BCORL1: variants seen among roughly 807,000 people sequenced by gnomAD.
The protein encoded by BCORL1 is BCL6 corepressor like 1.
A neutral mutation model predicts 87.6 loss-of-function variants in BCORL1; 7 were observed. That is an observed-to-expected ratio of 0.08 (90% CI 0.05 to 0.15). The LOEUF is 0.15. BCORL1 is among the 10% of genes least tolerant of loss of function. The pLI, the probability that BCORL1 is intolerant of heterozygous loss-of-function variation, is 1.00. For missense variants in BCORL1, 1,215 were observed against 1,499.7 expected (o/e 0.81, Z 3.13); for synonymous variants, 591 against 634.4 (o/e 0.93, Z 1.03).
rs202168742 is a variant in BCORL1 at position 130,020,969 on chromosome X, C to T, written c.3442-16C>T. On this transcript the variant is annotated splice_polypyrimidine_tract_variant and intron_variant, in intron 4 of 13. Coordinates refer to ENST00000540052, the MANE Select transcript of BCORL1 (RefSeq NM_001379451.1). ...AGCAAAACTGACCTCAGACCTGACC[C>T]TCTACCTCTCCACAGTGCCGGAAGC... The T allele has an allele frequency of 1.1e-5, 13 of 1,153,346 alleles. No homozygotes were observed. The highest frequency in any genetic ancestry group is 3.3e-5 in the East Asian group (1 of 30,361).
chrX:129,991,334 G>A (rs1320533366), intron 1 of BCORL1, among the ~76,000 whole-genome samples: 3 of 110,596 alleles, frequency 2.7e-5, no homozygotes, highest in African/African-American at 6.6e-5. Context: ...TGGCCTGGCT[G>A]GTCTCGAACT....
Position 130,039,227 on chromosome X carries a change from G to A in BCORL1, c.4785G>A (p.Ser1595=), listed in dbSNP as rs1203282934. 1.9e-5 allele frequency: 23 copies of A among 1,210,939 alleles called. No homozygotes were observed. The highest frequency in any genetic ancestry group is 3.0e-5 in the East Asian group (1 of 33,836). The change falls in exon 11 of 14, where the codon TCG becomes TCA. Residue 1595 remains serine, a synonymous_variant. Coordinates refer to ENST00000540052, the MANE Select transcript of BCORL1 (RefSeq NM_001379451.1). The part of the protein sequence containing the change: ...YGADPTLATY[S]GQTAMKLASS... ...CCGATCCCACACTGGCTACCTACTC[G>A]GGTCAGACAGCCATGAAGCTGGCCA...
intron 1 of BCORL1, among the ~76,000 whole-genome samples, chrX:129,983,262 G>A (rs1926270517): frequency 9.2e-6 from 1 of 108,912 alleles, no homozygotes; most frequent in African/African-American, 3.3e-5. Context: ...TGGAAACGGG[G>A]GTCGGTTGAT....
chrX:130,012,157 T>C (rs1929024114), intron 2 of BCORL1, among the ~76,000 whole-genome samples: 1 of 112,132 alleles, frequency 8.9e-6, no homozygotes, highest in South Asian at 3.6e-4. Flanking sequence ...AATAAGATTG[T>C]ATTTAAAAGA....
chrX:129,999,297 CTTTTTTTTTTTTT>C (rs1213156086), intron 1 of BCORL1, among the ~76,000 whole-genome samples: 1 of 39,107 alleles, frequency 2.6e-5, no homozygotes, highest in East Asian at 7.2e-4. Flanking sequence ...TGAAACACAT[CTTTTTTTTTTTTT>C]TTTTTTTTTT....
chrX:130,048,251 G>A (rs977531494), intron 11 of BCORL1, among the ~76,000 whole-genome samples: 2 of 112,314 alleles, frequency 1.8e-5, no homozygotes, highest in African/African-American at 6.5e-5. Flanking sequence ...GTGGTGCTTC[G>A]CACTGGGGGA....
intron 1 of BCORL1, among the ~76,000 whole-genome samples, chrX:129,989,221 C>T (rs1378575540): frequency 9.2e-6 from 1 of 109,040 alleles, no homozygotes; most frequent in African/African-American, 3.3e-5. Context: ...CTGCAAGCTC[C>T]GCTGCCCGGG....
chrX:130,011,223 A>G (rs1469149582), intron 2 of BCORL1, among the ~76,000 whole-genome samples: 1 of 107,428 alleles, frequency 9.3e-6, no homozygotes, highest in African/African-American at 3.4e-5. Context: ...GCAGGGGGCA[A>G]TAGTTTTTTT....
chrX:130,000,089 AG>A (rs770893561), intron 1 of BCORL1, among the ~76,000 whole-genome samples: 1 of 111,339 alleles, frequency 9.0e-6, no homozygotes, highest in Non-Finnish European at 1.9e-5. Context: ...GCTGTCGCCC[AG>A]GCTGGAATGC....
intron 11 of BCORL1, 77 bp from the exon 12 acceptor site, chrX:130,050,640 C>T (rs1456855163): frequency 1.6e-5 from 14 of 864,871 alleles, no homozygotes; most frequent in Non-Finnish European, 2.2e-5. Context: ...CCCTTAGCCC[C>T]GTATGCATGG....
rs1927354278 is a variant in BCORL1 at position 129,993,774 on chromosome X, T to C, written c.-45+11012T>C. On this transcript the variant is annotated intron_variant, in intron 1 of 13. Transcript: ENST00000540052. Reference sequence around the variant, plus strand: ...GAATAGATTACGTATGGTCCTTTTTTTTATTTTTTAATTTTTATTTTATTT... The same window carrying C: ...GAATAGATTACGTATGGTCCTTTTTCTTATTTTTTAATTTTTATTTTATTT... 3.6e-5 allele frequency among the ~76,000 whole-genome samples: 4 copies of C among 112,263 alleles called. No homozygotes were observed. In the Admixed American group the frequency reaches 3.8e-4, roughly 11 times the overall value.
intron 7 of BCORL1, among the ~76,000 whole-genome samples, chrX:130,028,327 CTCTGGGA>C (rs1315563247): frequency 7.2e-5 from 8 of 111,196 alleles, no homozygotes; most frequent in African/African-American, 2.6e-4. Context: ...TTGCTCTGGG[CTCTGGGA>C]AAAATCCTGT....
chrX:130,014,506 G>A lies in BCORL1; in HGVS notation c.1734G>A (p.Pro578=), dbSNP rs756675904. ...LPAPSGSSAP[P]HPAKMPSGTE... ...CCCCCAGTGGGAGCTCAGCCCCACCGCACCCCGCCAAGATGCCCAGTGGCA... is the reference window on the plus strand; with the variant it reads ...CCCCCAGTGGGAGCTCAGCCCCACCACACCCCGCCAAGATGCCCAGTGGCA... Residue 578 remains proline, a synonymous_variant, in exon 4 of 14, where the codon CCG becomes CCA. Transcript: ENST00000540052. The A allele has an allele frequency of 1.1e-5, 13 of 1,209,214 alleles. No homozygotes were observed. The highest frequency in any genetic ancestry group is 5.3e-5 in the African/African-American group (3 of 56,917).
At chrX:130,053,297 C>T (rs765995416) in intron 13 of BCORL1, among the ~76,000 whole-genome samples, 1 of 109,376 alleles carries the variant, frequency 9.1e-6, no homozygotes, top group Non-Finnish European at 1.9e-5. Context: ...GCCCTCCCCC[C>T]CACCACCCCA....
chrX:129,995,336 A>G (rs1184437456), intron 1 of BCORL1, among the ~76,000 whole-genome samples: 1 of 111,251 alleles, frequency 9.0e-6, no homozygotes, highest in African/African-American at 3.3e-5. Flanking sequence ...TTCAGGGAAT[A>G]TTTGGTTAAT....
At chrX:130,053,359 G>T (rs1268856210) in intron 13 of BCORL1, among the ~76,000 whole-genome samples, 2 of 109,653 alleles carry the variant, frequency 1.8e-5, no homozygotes, top group African/African-American at 3.3e-5. Context: ...CACTAGTAGG[G>T]ATCAAGTTTC....
chrX:129,998,782 G>C (rs1927762827), intron 1 of BCORL1, among the ~76,000 whole-genome samples: 1 of 111,373 alleles, frequency 9.0e-6, no homozygotes, highest in Middle Eastern at 4.2e-3. Context: ...ATGTAGCTCA[G>C]TGTCAGTGTT....
intron 1 of BCORL1, among the ~76,000 whole-genome samples, chrX:130,002,451 C>T (rs1928126279): frequency 9.7e-6 from 1 of 102,762 alleles, no homozygotes; most frequent in South Asian, 4.8e-4. Flanking sequence ...CCAGAGAGAG[C>T]CAGCAAAAGG....
At chrX:129,994,685 G>A (rs1444058822) in intron 1 of BCORL1, among the ~76,000 whole-genome samples, 1 of 111,474 alleles carries the variant, frequency 9.0e-6, no homozygotes, top group African/African-American at 3.3e-5. Flanking sequence ...CCTATATGCC[G>A]GCAACTACCT....
Sources: gnomAD v4.1 joint callset for allele counts (sites outside exome capture counted in the v4.1 genomes callset) on GRCh38, gnomAD v4.1.1 for gene constraint, MANE v1.5 for transcripts, NCBI Gene and HGNC (gene_info 2026-07-23, HGNC 2026-07-21) for gene names.